The following ROCK1 variants were observed in gnomAD, a reference collection of about 807,000 sequenced individuals.
ROCK1 encodes Rho associated coiled-coil containing protein kinase 1.
ROCK1 carries 36 observed loss-of-function variants against 196.8 expected under a neutral mutation model. The ratio of observed to expected loss-of-function variants is 0.18; its 90% CI spans 0.14 to 0.24. The LOEUF (loss-of-function observed/expected upper bound fraction) is 0.24, where lower values mean the gene tolerates loss of function less well. ROCK1 is among the 10% of genes least tolerant of loss of function. The pLI, the probability that ROCK1 is intolerant of heterozygous loss-of-function variation, is 1.00. For synonymous variants in ROCK1, 443 were observed against 515.9 expected (o/e 0.86, Z 1.91); for missense variants, 920 against 1,562.0 (o/e 0.59, Z 6.93).
intron 2 of ROCK1, among the ~76,000 whole-genome samples, chr18:21,053,925 T>C (rs2036225863): frequency 6.6e-6 from 1 of 152,206 alleles, no homozygotes; most frequent in African/African-American, 2.4e-5. Flanking sequence ...TAAAATGTTG[T>C]GATATGGTGA....
chr18:21,026,752 T>C (rs62089205), intron 10 of ROCK1, among the ~76,000 whole-genome samples: 18 of 152,132 alleles, frequency 1.2e-4, no homozygotes, highest in Non-Finnish European at 2.4e-4. Context: ...TTAGTTATAA[T>C]GACCTCAAAT....
chr18:21,047,560 G>A lies in ROCK1; in HGVS notation c.414+1532C>T, dbSNP rs1349117435. Among the ~76,000 whole-genome samples, 10 of 152,226 alleles carry A rather than the reference G, an allele frequency of 6.6e-5. No homozygotes were observed. In the East Asian group the frequency reaches 1.4e-3, roughly 21 times the overall value. The stretch of plus-strand genomic sequence containing the variant: ...TGTAATCCCAGCACTTTGGGAGGCC[G>A]AGGCAGGCGGATCACGAGGTCAGGA... On this transcript the variant is annotated intron_variant, in intron 4 of 32. Coordinates refer to ENST00000399799, the MANE Select transcript of ROCK1 (RefSeq NM_005406.3).
chr18:21,078,398 A>AGG (rs2036454210), intron 1 of ROCK1, among the ~76,000 whole-genome samples: 2 of 151,666 alleles, frequency 1.3e-5, no homozygotes, highest in East Asian at 3.9e-4. Context: ...AGAGAGAGAG[A>AGG]GAACCTAGTG....
In ROCK1 at chr18:20,992,867, T is replaced by A; in HGVS notation, c.1956A>T (p.Arg652Ser). The A allele has an allele frequency of 1.2e-6, 2 of 1,611,444 alleles. No individual in the cohort carries two copies. Among genetic ancestry groups the A allele is most frequent in the Non-Finnish European group, 1.7e-6 (2 of 1,177,992 alleles). Reference sequence around the variant, plus strand: ...GATTAAGCATGTCTTGAGCCTCTTTTCTTTCTCCTTCCACTTTTTCGAGAT... The same window carrying A: ...GATTAAGCATGTCTTGAGCCTCTTTACTTTCTCCTTCCACTTTTTCGAGAT... Reference protein sequence around the residue: ...KHNLEKVEGERKEAQDMLNHS... With the variant: ...KHNLEKVEGESKEAQDMLNHS... Residue 652 changes from arginine (R) to serine (S), a missense_variant, in exon 17 of 33, where the codon AGA becomes AGT. By Grantham distance (110) the Arg-to-Ser change is moderately radical (BLOSUM62 -1). Transcript: ENST00000399799.
At chr18:21,075,078 G>A (rs548527517) in intron 1 of ROCK1, among the ~76,000 whole-genome samples, 5 of 152,294 alleles carry the variant, frequency 3.3e-5, no homozygotes, top group Non-Finnish European at 5.9e-5. Flanking sequence ...ACCAGGAGAA[G>A]AATTTACCTT....
chr18:20,961,382 T>A (rs2035324702), intron 27 of ROCK1, among the ~76,000 whole-genome samples: 1 of 152,216 alleles, frequency 6.6e-6, no homozygotes, highest in Non-Finnish European at 1.5e-5. Context: ...AATTTACTAT[T>A]TGCCACATGC....
intron 9 of ROCK1, among the ~76,000 whole-genome samples, chr18:21,034,946 C>A (rs185371966): frequency 6.6e-6 from 1 of 152,080 alleles, no homozygotes; most frequent in African/African-American, 2.4e-5. Context: ...ACCAAACCAC[C>A]AAATTTTAAA....
intron 1 of ROCK1, among the ~76,000 whole-genome samples, chr18:21,082,417 G>T (rs1043882195): frequency 6.6e-5 from 10 of 151,976 alleles, no homozygotes; most frequent in Non-Finnish European, 1.5e-4. Context: ...TATGAATATA[G>T]ACATAAAAAT....
chr18:21,018,258 G>A (rs922857478), intron 12 of ROCK1, among the ~76,000 whole-genome samples: 12 of 151,860 alleles, frequency 7.9e-5, no homozygotes, highest in African/African-American at 2.4e-5. Flanking sequence ...GGCCAGGCAC[G>A]GTGGCTCACG....
chr18:20,967,417 G>A (rs2035384259), intron 26 of ROCK1, among the ~76,000 whole-genome samples: 1 of 152,076 alleles, frequency 6.6e-6, no homozygotes, highest in Non-Finnish European at 1.5e-5. Flanking sequence ...CATAACTGAT[G>A]GAGCTAAAAA....
intron 18 of ROCK1, 152 bp from the exon 19 acceptor site, chr18:20,987,262 T>C: frequency 1.5e-6 from 1 of 654,002 alleles, no homozygotes; most frequent in South Asian, 2.0e-5. Flanking sequence ...TCTCACATTA[T>C]GTAAACTATT....
intron 2 of ROCK1, among the ~76,000 whole-genome samples, chr18:21,067,667 G>C (rs2036348004): frequency 6.6e-6 from 1 of 152,230 alleles, no homozygotes; most frequent in South Asian, 2.1e-4. Flanking sequence ...GATTACAGGC[G>C]TGAGCCACCA....
intron 10 of ROCK1, 42 bp from the exon 11 acceptor site, chr18:21,023,722 C>T (rs1345465675): frequency 1.8e-6 from 2 of 1,093,252 alleles, no homozygotes; most frequent in African/African-American, 3.2e-5. Context: ...AAACAAAAAA[C>T]TCTGTAATAT....
chr18:20,971,305 T>TACACACACACACAC (rs374530206), intron 22 of ROCK1, among the ~76,000 whole-genome samples: 142 of 136,840 alleles, frequency 1.0e-3, no homozygotes, highest in East Asian at 4.8e-3. Flanking sequence ...ATAGTAAACA[T>TACACACACACACAC]ACACACACAC....
At chr18:21,040,801 T>C (rs1292956515) in intron 8 of ROCK1, among the ~76,000 whole-genome samples, 1 of 152,128 alleles carries the variant, frequency 6.6e-6, no homozygotes, top group Non-Finnish European at 1.5e-5. Flanking sequence ...TAGCACCTAA[T>C]AAACAGCATA....
chr18:21,101,418 C>G (rs541507872), intron 1 of ROCK1, among the ~76,000 whole-genome samples: 1 of 152,178 alleles, frequency 6.6e-6, no homozygotes, highest in South Asian at 2.1e-4. Flanking sequence ...CCGTGTGAGG[C>G]AAAAGAAAAT....
At position 21,023,696 on chromosome 18, in the gene ROCK1, G is replaced by C; in HGVS notation, c.1212-16C>G. 6.7e-7 allele frequency: 1 copy of C among 1,499,480 alleles called. No individual in the cohort carries two copies. The highest frequency in any genetic ancestry group is 9.1e-7 in the Non-Finnish European group (1 of 1,102,266). 92.9% of individuals were successfully genotyped at this position (1,499,480 alleles called of 1,614,324 possible). Reference sequence around the variant, plus strand: ...AGATAAGTATCTGAGGGAAAGAAAAGTTTAAAAAGAAAAGAAAACAAAAAA... The same window carrying C: ...AGATAAGTATCTGAGGGAAAGAAAACTTTAAAAAGAAAAGAAAACAAAAAA... On this transcript the variant is annotated splice_polypyrimidine_tract_variant and intron_variant, in intron 10 of 32. Transcript: ENST00000399799.
chr18:21,068,117 T>C (rs778455001), intron 2 of ROCK1, among the ~76,000 whole-genome samples: 1 of 152,238 alleles, frequency 6.6e-6, no homozygotes, highest in Admixed American at 6.5e-5. Context: ...TTTGTGTTAT[T>C]TGTGTCCTAT....
chr18:20,968,660 T>C (rs111887123), intron 25 of ROCK1, 112 bp downstream of exon 25: 3 of 676,784 alleles, frequency 4.4e-6, no homozygotes. Flanking sequence ...GAGAATTTAT[T>C]TGTTCTGATG....
Sources: allele counts gnomAD v4.1 joint callset (sites outside exome capture counted in the v4.1 genomes callset), GRCh38; gene constraint gnomAD v4.1.1; transcripts MANE v1.5; gene names NCBI Gene and HGNC (gene_info 2026-07-23, HGNC 2026-07-21).